The following ANK3 variants were observed in gnomAD, a reference collection of about 807,000 sequenced individuals.
ANK3 encodes ankyrin 3.
A neutral mutation model predicts 370.9 loss-of-function variants in ANK3; 57 were observed. The ratio of observed to expected loss-of-function variants is 0.15; its 90% CI spans 0.12 to 0.19. The LOEUF is 0.19. Ranked by LOEUF, ANK3 falls within the 10% of genes least tolerant of loss-of-function variation. The pLI, the probability that ANK3 is intolerant of heterozygous loss-of-function variation, is 1.00. For synonymous variants in ANK3, 1,929 were observed against 1,946.3 expected (o/e 0.99, Z 0.23); for missense variants, 4,439 against 5,302.1 (o/e 0.84, Z 5.06).
intron 1 of ANK3, chr10:60,685,076 T>C: frequency 8.1e-7 from 1 of 1,232,672 alleles, no homozygotes; most frequent in Non-Finnish European, 1.2e-6. Flanking sequence ...AAAGAAAAGA[T>C]GAATATCAAT....
intron 1 of ANK3, among the ~76,000 whole-genome samples, chr10:60,305,044 T>C (rs1268241260): frequency 6.6e-6 from 1 of 152,090 alleles, no homozygotes; most frequent in East Asian, 1.9e-4. Context: ...GGGGAGATAG[T>C]CAGAAAGGGA....
At chr10:60,256,505 T>C (rs574333197) in intron 7 of ANK3, among the ~76,000 whole-genome samples, 4 of 152,296 alleles carry the variant, frequency 2.6e-5, no homozygotes, top group South Asian at 4.1e-4. Context: ...TCAACCTTTA[T>C]ATTCAGGAGG....
At chr10:60,051,533 C>T (rs1328066341) in intron 42 of ANK3, 1 of 985,638 alleles carries the variant, frequency 1.0e-6, no homozygotes, top group Admixed American at 6.2e-5. Context: ...TTCCTCTGAG[C>T]TTGAATCACT....
At position 60,071,529 on chromosome 10, in the gene ANK3, T is replaced by C. The variant is rs374913530; in HGVS notation, c.9352A>G (p.Ile3118Val). ...EIQQGGVKKIISQECKTVQET... is the reference protein window; with the variant it reads ...EIQQGGVKKIVSQECKTVQET... ...TGTACTGTCTTACATTCCTGACTTA[T>C]GATTTTTTTTACACCTCCTTGTTGT... Residue 3118 changes from isoleucine to valine, a missense_variant, in exon 37 of 44, where the codon ATA (isoleucine) becomes GTA (valine). Transcript: ENST00000280772. 1.9e-5 allele frequency: 31 copies of C among 1,614,056 alleles called. No individual in the cohort carries two copies. Among genetic ancestry groups the C allele is most frequent in the African/African-American group, 4.0e-5 (3 of 74,940 alleles).
intron 25 of ANK3, among the ~76,000 whole-genome samples, chr10:60,124,740 A>G (rs2093671186): frequency 6.6e-6 from 1 of 152,214 alleles, no homozygotes. Flanking sequence ...AGTGGCCAGC[A>G]GGAGAATGGG....
At chr10:60,429,899 C>A (rs1431067730) in intron 2 of ANK3, among the ~76,000 whole-genome samples, 1 of 152,024 alleles carries the variant, frequency 6.6e-6, no homozygotes, top group Non-Finnish European at 1.5e-5. Flanking sequence ...AAATACAAAC[C>A]ATTACTTTGA....
At chr10:60,710,891 T>G (rs999982785) in intron 1 of ANK3, among the ~76,000 whole-genome samples, 2 of 152,248 alleles carry the variant, frequency 1.3e-5, no homozygotes, top group African/African-American at 4.8e-5. Flanking sequence ...TCAACTAGTC[T>G]GGCAGAAAGC....
At chr10:60,525,895 G>T (rs1201347765) in intron 2 of ANK3, among the ~76,000 whole-genome samples, 2 of 152,108 alleles carry the variant, frequency 1.3e-5, no homozygotes, top group Admixed American at 6.6e-5. Flanking sequence ...AACATTATTT[G>T]CAGAAAGGGG....
chr10:60,405,767 T>C (rs889212986), intron 2 of ANK3, among the ~76,000 whole-genome samples: 4 of 152,320 alleles, frequency 2.6e-5, no homozygotes, highest in African/African-American at 9.6e-5. Flanking sequence ...AATTAATGAA[T>C]GTATAGAGAG....
rs1483606748 is a variant in ANK3 at position 60,150,322 on chromosome 10, T to C, written c.2615-11235A>G. 2.6e-5 allele frequency among the ~76,000 whole-genome samples: 4 copies of C among 152,282 alleles called. No individual in the cohort carries two copies. In the Middle Eastern group the frequency reaches 0.01, roughly 388 times the overall value. On this transcript the variant is annotated intron_variant, in intron 23 of 43. Transcript: ENST00000280772. ...CTTTGACCAACAAGTTTTCTAAATA[T>C]GAAACACCTCTTCCCAATCCCCATC...
chr10:60,561,769 G>A (rs2077340394), intron 2 of ANK3, among the ~76,000 whole-genome samples: 1 of 152,186 alleles, frequency 6.6e-6, no homozygotes, highest in Admixed American at 6.5e-5. Context: ...TTCTCCTGCA[G>A]TGTCTTCTCT....
intron 1 of ANK3, among the ~76,000 whole-genome samples, chr10:60,340,835 A>G (rs570682337): frequency 5.3e-5 from 8 of 152,188 alleles, no homozygotes; most frequent in Non-Finnish European, 1.2e-4. Flanking sequence ...ACACTGATCT[A>G]AACACTTCAT....
intron 2 of ANK3, among the ~76,000 whole-genome samples, chr10:60,596,560 T>C (rs2077990412): frequency 6.6e-6 from 1 of 152,186 alleles, no homozygotes; most frequent in Non-Finnish European, 1.5e-5. Context: ...GATTTTAGAA[T>C]ACATGTTGAG....
intron 1 of ANK3, among the ~76,000 whole-genome samples, chr10:60,666,342 G>C (rs746984395): frequency 6.6e-6 from 1 of 152,146 alleles, no homozygotes; most frequent in Non-Finnish European, 1.5e-5. Flanking sequence ...GAATTATCTA[G>C]AGTTGTGAAA....
intron 25 of ANK3, among the ~76,000 whole-genome samples, chr10:60,133,190 G>A (rs747083336): frequency 2.0e-5 from 3 of 152,144 alleles, no homozygotes; most frequent in Non-Finnish European, 2.9e-5. Flanking sequence ...CACGTTCATT[G>A]TGCAGTAAGT....
At chr10:60,241,866 A>G (rs1452810682) in intron 7 of ANK3, among the ~76,000 whole-genome samples, 1 of 152,240 alleles carries the variant, frequency 6.6e-6, no homozygotes, top group South Asian at 2.1e-4. Flanking sequence ...TCGGCTATAC[A>G]TACATTTATA....
intron 1 of ANK3, among the ~76,000 whole-genome samples, chr10:60,370,975 T>C (rs1594670477): frequency 6.6e-6 from 1 of 152,160 alleles, no homozygotes; most frequent in Non-Finnish European, 1.5e-5. Context: ...CCATTCTCAA[T>C]ACAAGGTATC....
At chr10:60,417,196 T>C (rs1034951537) in intron 2 of ANK3, among the ~76,000 whole-genome samples, 2 of 152,166 alleles carry the variant, frequency 1.3e-5, no homozygotes, top group African/African-American at 4.8e-5. Flanking sequence ...GGAACATGTG[T>C]GCTCAGGGAA....
At chr10:60,178,188 A>G (rs1027428546) in intron 18 of ANK3, among the ~76,000 whole-genome samples, 1 of 152,160 alleles carries the variant, frequency 6.6e-6, no homozygotes, top group African/African-American at 2.4e-5. Flanking sequence ...CAACATCTTA[A>G]GACATAATCC....
Sources: allele counts gnomAD v4.1 joint callset (sites outside exome capture counted in the v4.1 genomes callset), GRCh38; gene constraint gnomAD v4.1.1; transcripts MANE v1.5; gene names NCBI Gene and HGNC (gene_info 2026-07-23, HGNC 2026-07-21).